The following GALNT13 variants were observed in gnomAD, a reference collection of about 807,000 sequenced individuals.
GALNT13 encodes the protein UDP-GalNAc:polypeptide N-acetylgalactosaminyltransferase 13.
A neutral mutation model predicts 64.2 loss-of-function variants in GALNT13; 28 were observed. The ratio of observed to expected loss-of-function variants is 0.44; its 90% CI spans 0.32 to 0.60. The LOEUF (loss-of-function observed/expected upper bound fraction) is 0.60, where lower values mean the gene tolerates loss of function less well. Ranked by LOEUF, GALNT13 falls within the 20% of genes least tolerant of loss-of-function variation. The pLI is 0.05. For synonymous variants in GALNT13, 214 were observed against 224.6 expected, an observed-to-expected ratio of 0.95 and a Z score of 0.42; for missense variants, 577 against 669.8, an observed-to-expected ratio of 0.86 and a Z score of 1.53.
the GALNT13 span, chr2:153,420,912 A>G: frequency 4.9e-6 from 1 of 206,078 alleles, no homozygotes. Context: ...TATGTTGGCC[A>G]GATTTCCAGC....
At chr2:153,420,872 G>T in the GALNT13 span, 1 of 244,832 alleles carries the variant, frequency 4.1e-6, no homozygotes, top group South Asian at 5.8e-5. Flanking sequence ...CAATGGCTAT[G>T]GTGTTGCTCA....
intron 6 of GALNT13, among the ~76,000 whole-genome samples, chr2:154,244,398 G>T (rs947248489): frequency 2.0e-5 from 3 of 152,138 alleles, no homozygotes; most frequent in East Asian, 3.9e-4. Flanking sequence ...GGTTTTCCAA[G>T]GCTAGAGGAG....
At chr2:153,730,212 C>T in the GALNT13 span, among the ~76,000 whole-genome samples, 2 of 151,990 alleles carry the variant, frequency 1.3e-5, no homozygotes, top group South Asian at 2.1e-4. Flanking sequence ...ACTATAGTAC[C>T]GAAAGAGCAT....
the GALNT13 span, among the ~76,000 whole-genome samples, chr2:153,340,953 T>G: frequency 1.3e-5 from 2 of 152,174 alleles, no homozygotes; most frequent in Admixed American, 6.5e-5. Context: ...GAAATGCAAA[T>G]TCTTGGGTTC....
At chr2:153,892,501 G>GC (rs900570119) in intron 1 of GALNT13, among the ~76,000 whole-genome samples, 5 of 151,790 alleles carry the variant, frequency 3.3e-5, no homozygotes, top group Non-Finnish European at 5.9e-5. Context: ...TATTTGAAAG[G>GC]CCCCAGATTT....
chr2:153,612,570 A>G, the GALNT13 span, among the ~76,000 whole-genome samples: 1 of 152,144 alleles, frequency 6.6e-6, no homozygotes, highest in African/African-American at 2.4e-5. Context: ...GTTACAAGAC[A>G]TATATCATAT....
At chr2:153,331,195 T>G in the GALNT13 span, among the ~76,000 whole-genome samples, 1 of 151,778 alleles carries the variant, frequency 6.6e-6, no homozygotes, top group East Asian at 1.9e-4. Flanking sequence ...TTGAAGATTT[T>G]TGTGTCTATG....
At chr2:153,587,391 G>C in the GALNT13 span, among the ~76,000 whole-genome samples, 1 of 152,260 alleles carries the variant, frequency 6.6e-6, no homozygotes, top group South Asian at 2.1e-4. Context: ...AAACATACCT[G>C]ATATTGGGCA....
At chr2:154,161,929 C>T (rs1160168763) in intron 4 of GALNT13, among the ~76,000 whole-genome samples, 2 of 151,822 alleles carry the variant, frequency 1.3e-5, no homozygotes, top group East Asian at 1.9e-4. Flanking sequence ...TACAGGTGCC[C>T]GCCACCACAC....
the GALNT13 span, among the ~76,000 whole-genome samples, chr2:153,142,164 T>C: frequency 6.6e-6 from 1 of 152,184 alleles, no homozygotes; most frequent in South Asian, 2.1e-4. Flanking sequence ...TCTGCCATAG[T>C]AGTGGTGCTT....
chr2:154,317,927 A>G (rs1456869803), intron 9 of GALNT13, among the ~76,000 whole-genome samples: 3 of 134,906 alleles, frequency 2.2e-5, no homozygotes, highest in African/African-American at 9.3e-5. Context: ...TTGTCCTACC[A>G]AAATCTAAAA....
the GALNT13 span, among the ~76,000 whole-genome samples, chr2:153,561,500 T>C: frequency 3.9e-5 from 6 of 152,242 alleles, no homozygotes; most frequent in East Asian, 9.7e-4. Context: ...ATAATGTTTT[T>C]GATGTGTTTT....
At chr2:153,759,482 A>G in the GALNT13 span, among the ~76,000 whole-genome samples, 1 of 152,094 alleles carries the variant, frequency 6.6e-6, no homozygotes, top group East Asian at 1.9e-4. Context: ...CATTCCTTCT[A>G]TAGCTAATCC....
the GALNT13 span, among the ~76,000 whole-genome samples, chr2:153,490,006 C>CACACAA: frequency 6.6e-6 from 1 of 151,272 alleles, no homozygotes; most frequent in Non-Finnish European, 1.5e-5. Flanking sequence ...CACACACACA[C>CACACAA]ACACAAACAC....
chr2:153,533,637 TTC>T, the GALNT13 span, among the ~76,000 whole-genome samples: 18 of 151,742 alleles, frequency 1.2e-4, no homozygotes, highest in Admixed American at 6.6e-4. Flanking sequence ...TGATGTTTGT[TTC>T]TCTCTTTTTC....
intron 2 of GALNT13, among the ~76,000 whole-genome samples, chr2:153,921,813 A>G (rs1280952457): frequency 6.6e-6 from 1 of 152,154 alleles, no homozygotes; most frequent in Non-Finnish European, 1.5e-5. Context: ...ACTAACAAAT[A>G]TATCCTGCAG....
the GALNT13 span, among the ~76,000 whole-genome samples, chr2:153,734,808 T>G: frequency 2.0e-5 from 3 of 152,200 alleles, no homozygotes; most frequent in Admixed American, 2.0e-4. Flanking sequence ...AATTCGTAGT[T>G]GAACATCTTG....
the GALNT13 span, among the ~76,000 whole-genome samples, chr2:153,447,417 T>C: frequency 2.0e-5 from 3 of 152,150 alleles, no homozygotes; most frequent in Non-Finnish European, 4.4e-5. Flanking sequence ...ATGTGGCTTG[T>C]CTTTTTTCTG....
chr2:153,396,416 T>A, the GALNT13 span, among the ~76,000 whole-genome samples: 3 of 152,222 alleles, frequency 2.0e-5, no homozygotes, highest in East Asian at 5.8e-4. Flanking sequence ...CAAAAATTCT[T>A]TGTGGGAAAG....
Sources: gnomAD v4.1 joint callset for allele counts (sites outside exome capture counted in the v4.1 genomes callset) on GRCh38, gnomAD v4.1.1 for gene constraint, MANE v1.5 for transcripts, NCBI Gene and HGNC (gene_info 2026-07-23, HGNC 2026-07-21) for gene names.